Variants in ESRRG observed in about 807,000 individuals in gnomAD.
ESRRG encodes estrogen related receptor gamma.
A neutral mutation model predicts 44.0 loss-of-function variants in ESRRG; 13 were observed. That is an observed-to-expected ratio of 0.30 (90% CI 0.19 to 0.47). The LOEUF (loss-of-function observed/expected upper bound fraction) is 0.47. Ranked by LOEUF, ESRRG falls within the 20% of genes least tolerant of loss-of-function variation. The pLI is 1.00. For synonymous variants in ESRRG, 215 were observed against 214.6 expected (o/e 1.00, Z -0.02); for missense variants, 395 against 580.6 (o/e 0.68, Z 3.29).
chr1:216,738,689 T>C (rs2090286257), intron 2 of ESRRG, among the ~76,000 whole-genome samples: 1 of 152,104 alleles, frequency 6.6e-6, no homozygotes, highest in Admixed American at 6.6e-5. Context: ...GTAAAATAAA[T>C]GCCAGAGCTG....
At chr1:216,861,535 A>T (rs867350320) in intron 2 of ESRRG, among the ~76,000 whole-genome samples, 9 of 152,190 alleles carry the variant, frequency 5.9e-5, no homozygotes, top group Middle Eastern at 7.4e-3. Context: ...AAAAATTTTA[A>T]CAGTAGAGAT....
rs2164618 is a variant in ESRRG, at chr1:216,839,799, G to A, written c.-14+99783C>T. Among the ~76,000 whole-genome samples, 329 of 152,236 alleles carry A rather than the reference G, an allele frequency of 2.2e-3. 4 individuals are homozygous for A. The highest frequency in any genetic ancestry group is 7.7e-3 in the African/African-American group (319 of 41,542). ...GGGTAATCAGGTGCATTGTCAATGA[G>A]CAGTAATGTTTTAAAATGAATCTTT... On this transcript the variant is annotated intron_variant, in intron 2 of 7. Transcript: ENST00000359162.
intron 2 of ESRRG, among the ~76,000 whole-genome samples, chr1:216,801,120 C>T (rs1164312023): frequency 1.3e-5 from 2 of 152,072 alleles, no homozygotes; most frequent in Non-Finnish European, 2.9e-5. Context: ...GCAAGAGCAC[C>T]TAAAATCTAC....
intron 1 of ESRRG, among the ~76,000 whole-genome samples, chr1:217,019,156 A>G (rs2079899701): frequency 6.6e-6 from 1 of 152,226 alleles, no homozygotes; most frequent in South Asian, 2.1e-4. Context: ...AAGAACTATT[A>G]AACAGTCTGG....
chr1:216,771,886 T>C (rs1191677007), intron 2 of ESRRG, among the ~76,000 whole-genome samples: 2 of 150,136 alleles, frequency 1.3e-5, no homozygotes, highest in Admixed American at 6.7e-5. Context: ...CCAAAGTGTG[T>C]GGTGAAAGTG....
chr1:217,029,638 C>A (rs998284255), intron 1 of ESRRG, among the ~76,000 whole-genome samples: 1 of 152,186 alleles, frequency 6.6e-6, no homozygotes, highest in Non-Finnish European at 1.5e-5. Context: ...TAACTACCGC[C>A]AGACCAATTC....
intron 2 of ESRRG, among the ~76,000 whole-genome samples, chr1:216,827,950 C>A (rs188612043): frequency 2.2e-4 from 34 of 152,218 alleles, no homozygotes; most frequent in African/African-American, 8.2e-4. Context: ...GAAACTGGTA[C>A]TCACATACAA....
At chr1:216,595,149 G>A (rs1039492807) in intron 3 of ESRRG, among the ~76,000 whole-genome samples, 11 of 152,194 alleles carry the variant, frequency 7.2e-5, no homozygotes, top group Non-Finnish European at 1.3e-4. Flanking sequence ...GAAAAAACCA[G>A]TATGATTAAA....
rs1366814409 is a variant in ESRRG at position 216,564,298 on chromosome 1, G to A, written c.783C>T (p.Asp261=). Residue 261 remains aspartate, a synonymous_variant, in exon 5 of 7, where the codon GAC becomes GAT. Coordinates refer to ENST00000408911, the MANE Select transcript of ESRRG (RefSeq NM_001438.4). ...CACACAGTGTAGTGAGGGCTTTGAT[G>A]TCACTGTCGGGGACAGTAGGGTCAG... ...AMPDPTVPDS[D]IKALTTLCDL... is the part of the protein sequence containing the mutation. 1.1e-5 allele frequency: 18 copies of A among 1,611,292 alleles called. No homozygotes were observed. The highest frequency in any genetic ancestry group is 4.2e-6 in the Non-Finnish European group (5 of 1,178,084).
At chr1:216,569,438 G>T (rs549247066) in intron 3 of ESRRG, among the ~76,000 whole-genome samples, 76 of 152,206 alleles carry the variant, frequency 5.0e-4, no homozygotes, top group African/African-American at 1.8e-3. Context: ...GATGGGTTGG[G>T]TCAAGATTCA....
intron 2 of ESRRG, among the ~76,000 whole-genome samples, chr1:216,846,467 T>C (rs903431703): frequency 4.6e-5 from 7 of 152,170 alleles, no homozygotes; most frequent in Non-Finnish European, 8.8e-5. Context: ...CAACTACTCA[T>C]TTCTGCTGTA....
At chr1:216,573,959 C>A (rs1455426280) in intron 3 of ESRRG, among the ~76,000 whole-genome samples, 1 of 151,888 alleles carries the variant, frequency 6.6e-6, no homozygotes, top group Non-Finnish European at 1.5e-5. Flanking sequence ...CAACATAATC[C>A]AAATATTTCT....
At chr1:216,912,196 G>A (rs1441449666) in intron 2 of ESRRG, among the ~76,000 whole-genome samples, 805 of 7,636 alleles carry the variant, frequency 0.11, 57 homozygotes, top group South Asian at 0.2. Flanking sequence ...GAGAGGAGAG[G>A]AGAGGAGAGG....
chr1:216,621,659 A>G (rs1312944129), intron 3 of ESRRG, among the ~76,000 whole-genome samples: 2 of 152,200 alleles, frequency 1.3e-5, no homozygotes, highest in Non-Finnish European at 2.9e-5. Flanking sequence ...CACTGAAGAC[A>G]AAATTTTACT....
intron 1 of ESRRG, among the ~76,000 whole-genome samples, chr1:216,966,991 C>A (rs1011211154): frequency 6.6e-6 from 1 of 152,122 alleles, no homozygotes; most frequent in African/African-American, 2.4e-5. Context: ...TGTACACATC[C>A]ATTTGAACTG....
upstream of ESRRG, among the ~76,000 whole-genome samples, chr1:216,724,145 A>C (rs554687570): frequency 2.3e-4 from 35 of 152,320 alleles, no homozygotes; most frequent in African/African-American, 8.4e-4. Context: ...GTGACAATAC[A>C]ATTTGAAAGA....
chr1:216,728,537 G>A (rs899728611), intron 2 of ESRRG, among the ~76,000 whole-genome samples: 6 of 152,058 alleles, frequency 3.9e-5, no homozygotes, highest in Non-Finnish European at 8.8e-5. Context: ...AGAGAAGCAG[G>A]GGGAAGTGGA....
chr1:216,819,139 C>T (rs1188137278), intron 2 of ESRRG, among the ~76,000 whole-genome samples: 1 of 152,138 alleles, frequency 6.6e-6, no homozygotes, highest in Non-Finnish European at 1.5e-5. Context: ...ATTTCTGCCT[C>T]TAGATCTTTA....
chr1:216,613,929 G>C (rs11572731), intron 3 of ESRRG, among the ~76,000 whole-genome samples: 32,043 of 151,992 alleles, frequency 0.21, 3,955 homozygotes, highest in Non-Finnish European at 0.29. Flanking sequence ...CATTTTCCCC[G>C]CTTTGTCCTA....
Sources: allele counts gnomAD v4.1 joint callset (sites outside exome capture counted in the v4.1 genomes callset), GRCh38; gene constraint gnomAD v4.1.1; transcripts MANE v1.5; gene names NCBI Gene and HGNC (gene_info 2026-07-23, HGNC 2026-07-21).